Variants in PIAS1 observed in about 807,000 individuals in gnomAD.
The protein encoded by PIAS1 is protein inhibitor of activated STAT 1, also known as E3 SUMO-protein ligase PIAS1.
In PIAS1, 6 loss-of-function variants were observed where a neutral mutation model predicts 71.3. The observed-to-expected ratio is 0.08, with a 90% CI of 0.05 to 0.17. The LOEUF (loss-of-function observed/expected upper bound fraction) is 0.17, where lower values mean the gene tolerates loss of function less well. Among genes scored for constraint, PIAS1 ranks in the 10% least tolerant of loss-of-function variants. The pLI is 1.00. For missense variants in PIAS1, 555 were observed against 793.6 expected (o/e 0.70, Z 3.61); for synonymous variants, 303 against 292.9 (o/e 1.03, Z -0.35).
chr15:68,106,283 C>T (rs777298507), intron 2 of PIAS1, among the ~76,000 whole-genome samples: 53 of 147,438 alleles, frequency 3.6e-4, no homozygotes, highest in Admixed American at 9.6e-4. Context: ...TGTACCTCAC[C>T]TGCCCATGAA....
intron 6 of PIAS1, among the ~76,000 whole-genome samples, chr15:68,150,996 C>T (rs1032199479): frequency 2.6e-5 from 4 of 151,936 alleles, no homozygotes; most frequent in African/African-American, 7.3e-5. Flanking sequence ...GAGAAATTAT[C>T]TCATGAACTT....
At position 68,131,323 on chromosome 15, in the gene PIAS1, G is replaced by T. The variant is rs375509775; in HGVS notation, c.470-10623G>T. Among the ~76,000 whole-genome samples the T allele has an allele frequency of 3.3e-5, 5 of 152,174 alleles. No homozygotes were observed. In the South Asian group the frequency reaches 8.3e-4, roughly 25 times the overall value. ...TGATGTTACGATCTTCGACTACCAT[G>T]TGAAATGCTTAAATCAACTAATGTA... is the stretch of plus-strand genomic sequence containing the variant. On this transcript the variant is annotated intron_variant, in intron 2 of 13. Transcript: ENST00000249636.
At chr15:68,133,041 C>T (rs1167296735) in intron 2 of PIAS1, among the ~76,000 whole-genome samples, 7 of 151,402 alleles carry the variant, frequency 4.6e-5, no homozygotes, top group Admixed American at 2.6e-4. Flanking sequence ...CTCTCTTACA[C>T]AGAAAGTAGT....
At chr15:68,117,108 C>T (rs1359799249) in intron 2 of PIAS1, among the ~76,000 whole-genome samples, 2 of 152,088 alleles carry the variant, frequency 1.3e-5, no homozygotes, top group African/African-American at 4.8e-5. Flanking sequence ...TTTCTTGAGA[C>T]AAAGTCTCAT....
chr15:68,161,488 G>GTT (rs1323143764), intron 7 of PIAS1, among the ~76,000 whole-genome samples: 26 of 138,898 alleles, frequency 1.9e-4, no homozygotes, highest in African/African-American at 5.5e-4. Context: ...GAAGGCATAG[G>GTT]TTTTTTTTTT....
At chr15:68,079,686 C>G (rs901572566) in intron 1 of PIAS1, among the ~76,000 whole-genome samples, 1 of 151,580 alleles carries the variant, frequency 6.6e-6, no homozygotes, top group African/African-American at 2.4e-5. Flanking sequence ...GCTGTATTGC[C>G]CAGGCTGGTC....
Position 68,187,996 on chromosome 15 carries a change from C to A in PIAS1, c.*161C>A. The A allele has an allele frequency of 1.8e-6, 1 of 547,224 alleles. No homozygotes were observed. 33.9% of individuals were successfully genotyped at this position (547,224 alleles called of 1,614,324 possible). A position where few individuals can be genotyped will look rare whatever the true frequency, so the allele number is the denominator to read the frequency against. On this transcript the variant is annotated 3_prime_UTR_variant, in exon 14 of 14. Transcript: ENST00000249636. This position sits in a 1 kb window ranked among gnomAD's most constrained non-coding sequence, Gnocchi z 5.3. ...AAAATTAAAAGAAATGTACAGAGAA[C>A]AAAACTATATTTTCAGTTTTACTTT...
At chr15:68,099,676 G>GT (rs147098515) in intron 2 of PIAS1, among the ~76,000 whole-genome samples, 165 of 145,116 alleles carry the variant, frequency 1.1e-3, no homozygotes, top group Admixed American at 3.4e-3. Flanking sequence ...GTTTTTGGGG[G>GT]TTTTTTTTTT....
intron 1 of PIAS1, among the ~76,000 whole-genome samples, chr15:68,083,618 A>T (rs2140979260): frequency 6.6e-6 from 1 of 152,252 alleles, no homozygotes; most frequent in South Asian, 2.1e-4. Flanking sequence ...ATGTCAACAT[A>T]TTATAGCATG....
chr15:68,173,654 G>A lies in PIAS1; in HGVS notation c.1009-78G>A, dbSNP rs2093005182. ...CTTTAAATCAGCATGCCTACCTGTT[G>A]TGTTCTAGGAAATTTTTGTCAAAGC... On this transcript the variant is annotated intron_variant, in intron 8 of 13. Transcript: ENST00000249636. The surrounding 1 kb of genome is among the most constrained non-coding windows in gnomAD (Gnocchi z 4.3). The A allele has an allele frequency of 4.0e-6, 4 of 1,002,268 alleles. No individual in the cohort carries two copies. Among genetic ancestry groups the A allele is most frequent in the Non-Finnish European group, 5.6e-6 (4 of 711,296 alleles). The allele number at this position is 1,002,268 out of a possible 1,614,324, so 62.1% of individuals were successfully genotyped here. A position where few individuals can be genotyped will look rare whatever the true frequency, so the allele number is the denominator to read the frequency against.
At chr15:68,175,534 A>G (rs978911981) in intron 9 of PIAS1, 103 bp from the exon 10 acceptor site, 4 of 437,426 alleles carry the variant, frequency 9.1e-6, no homozygotes, top group East Asian at 4.0e-5. Flanking sequence ...TTAGGCAGCT[A>G]TATTCCTAGT....
intron 2 of PIAS1, among the ~76,000 whole-genome samples, chr15:68,120,073 G>C (rs1029061580): frequency 9.9e-5 from 15 of 152,202 alleles, no homozygotes; most frequent in African/African-American, 3.4e-4. Flanking sequence ...GTCCTGAGTA[G>C]GTGGGACTAC....
chr15:68,182,874 G>T (rs2093064126), intron 12 of PIAS1, among the ~76,000 whole-genome samples: 2 of 152,226 alleles, frequency 1.3e-5, no homozygotes, highest in Admixed American at 1.3e-4. Flanking sequence ...GATGCCCAGA[G>T]TATCTGTGGT....
In PIAS1 at chr15:68,174,509, T is replaced by C. The variant is rs2093010339; in HGVS notation, c.1169+617T>C. 6.6e-6 allele frequency among the ~76,000 whole-genome samples: 1 copy of C among 152,192 alleles called. No individual in the cohort carries two copies. The highest frequency in any genetic ancestry group is 1.5e-5 in the Non-Finnish European group (1 of 68,030). On this transcript the variant is annotated intron_variant, in intron 9 of 13. Transcript: ENST00000249636. The surrounding 1 kb of genome is among the most constrained non-coding windows in gnomAD (Gnocchi z 4.0). ...TTTGCCACTAAACAAAAACAAATTG[T>C]GAAAAGGAGGACATCTCCTTGATTT... is the stretch of plus-strand genomic sequence containing the variant.
chr15:68,087,725 G>C (rs1015209856), intron 2 of PIAS1: 1 of 271,106 alleles, frequency 3.7e-6, no homozygotes, highest in African/African-American at 2.2e-5. Flanking sequence ...GAACATTTCA[G>C]TTTGGGGGAC....
At chr15:68,093,770 G>A (rs1233011570) in intron 2 of PIAS1, among the ~76,000 whole-genome samples, 1 of 152,144 alleles carries the variant, frequency 6.6e-6, no homozygotes, top group African/African-American at 2.4e-5. Flanking sequence ...ATCAAGCACA[G>A]TGACAGTAAA....
At chr15:68,063,319 C>G (rs991635368) in intron 1 of PIAS1, among the ~76,000 whole-genome samples, 2 of 152,128 alleles carry the variant, frequency 1.3e-5, no homozygotes, top group African/African-American at 4.8e-5. Context: ...CTTTTTCTTG[C>G]AGTCATGCAA....
chr15:68,165,648 T>C (rs530636924), intron 8 of PIAS1, among the ~76,000 whole-genome samples: 22 of 152,312 alleles, frequency 1.4e-4, no homozygotes, highest in South Asian at 1.0e-3. Flanking sequence ...AAATATATGG[T>C]CCCAAGACTT....
intron 2 of PIAS1, among the ~76,000 whole-genome samples, chr15:68,128,720 A>G (rs1390773280): frequency 6.6e-6 from 1 of 152,190 alleles, no homozygotes; most frequent in East Asian, 1.9e-4. Flanking sequence ...ATTGAGAATG[A>G]GTTTCTCTGA....
Sources: allele counts gnomAD v4.1 joint callset (sites outside exome capture counted in the v4.1 genomes callset), GRCh38; gene constraint gnomAD v4.1.1; non-coding constraint Gnocchi (gnomAD v3.1); transcripts MANE v1.5; gene names NCBI Gene and HGNC (gene_info 2026-07-23, HGNC 2026-07-21).